Variants in CNOT2 observed in about 807,000 individuals in gnomAD.
The protein encoded by CNOT2 is CCR4-NOT transcription complex subunit 2, also known as CC chemokine receptor 4-negative regulator of transcription 2.
CNOT2 carries 7 observed loss-of-function variants against 72.1 expected under a neutral mutation model. The ratio of observed to expected loss-of-function variants is 0.10; its 90% CI spans 0.06 to 0.18. The LOEUF is 0.18. Among genes scored for constraint, CNOT2 ranks in the 10% least tolerant of loss-of-function variants. The pLI is 1.00. For synonymous variants in CNOT2, 196 were observed against 225.6 expected (o/e 0.87, Z 1.17); for missense variants, 345 against 660.3 (o/e 0.52, Z 5.23).
chr12:70,295,150 T>C (rs1227634193), intron 2 of CNOT2, among the ~76,000 whole-genome samples: 3 of 152,192 alleles, frequency 2.0e-5, no homozygotes, highest in Non-Finnish European at 2.9e-5. Context: ...TCCCATATAA[T>C]TCATGTTCAT....
intron 7 of CNOT2, among the ~76,000 whole-genome samples, chr12:70,333,793 A>G (rs1346945564): frequency 6.6e-6 from 1 of 152,012 alleles, no homozygotes; most frequent in Non-Finnish European, 1.5e-5. Flanking sequence ...CTTGTGTTCA[A>G]GATGTAGTAT....
In CNOT2 at chr12:70,354,148, G is replaced by A; in HGVS notation, c.*233G>A. ...TTTTTCTCTAGTTTGAGCAGGGTCT[G>A]AATTTTTTCATTTATTTCCTTTTTT... On this transcript the variant is annotated 3_prime_UTR_variant, in exon 16 of 16. Coordinates refer to ENST00000229195, the MANE Select transcript of CNOT2 (RefSeq NM_014515.7). The A allele has an allele frequency of 1.4e-6, 1 of 733,324 alleles. No individual in the cohort carries two copies. Among genetic ancestry groups the A allele is most frequent in the Non-Finnish European group, 1.9e-6 (1 of 525,708 alleles). The allele number at this position is 733,324 out of a possible 1,614,324, so 45.4% of individuals were successfully genotyped here.
intron 15 of CNOT2, among the ~76,000 whole-genome samples, chr12:70,347,014 A>ATAT (rs376300615): frequency 3.9e-4 from 60 of 152,078 alleles, no homozygotes; most frequent in East Asian, 1.2e-3. Context: ...TGGAGAGAAT[A>ATAT]TATTCTCTCC....
At chr12:70,255,904 G>T (rs764293975) in intron 1 of CNOT2, among the ~76,000 whole-genome samples, 20 of 152,014 alleles carry the variant, frequency 1.3e-4, no homozygotes, top group Non-Finnish European at 1.9e-4. Flanking sequence ...ACAGATTCTG[G>T]TCAAGATATG....
chr12:70,249,520 TTCTC>T (rs1408240009), intron 1 of CNOT2, among the ~76,000 whole-genome samples: 4 of 152,000 alleles, frequency 2.6e-5, no homozygotes, highest in African/African-American at 9.7e-5. Context: ...TCTAATTTCT[TTCTC>T]ATTTATTTTA....
chr12:70,253,896 A>G (rs533463550), intron 1 of CNOT2, among the ~76,000 whole-genome samples: 1 of 152,286 alleles, frequency 6.6e-6, no homozygotes, highest in Admixed American at 6.5e-5. Flanking sequence ...TACCTATGAT[A>G]AAGTTTAACT....
At chr12:70,278,734 C>A (rs1405709382) in intron 2 of CNOT2, among the ~76,000 whole-genome samples, 1 of 152,044 alleles carries the variant, frequency 6.6e-6, no homozygotes, top group Admixed American at 6.5e-5. Context: ...TGCTTAGAGA[C>A]CCAAATTCTA....
At chr12:70,313,819 C>T (rs12300009) in intron 3 of CNOT2, among the ~76,000 whole-genome samples, 2,051 of 152,098 alleles carry the variant, frequency 0.013, 46 homozygotes, top group African/African-American at 0.046. Context: ...ATTTGCCCAC[C>T]CCTGGGTTAG....
At chr12:70,301,586 T>C (rs908957671) in intron 2 of CNOT2, 2 of 152,114 alleles carry the variant, frequency 1.3e-5, no homozygotes, top group African/African-American at 4.8e-5. Context: ...TTGATCATGG[T>C]GGATAAGCTT....
rs893128268 is a variant in CNOT2, at chr12:70,295,054, A to T, written c.49-15841A>T. Among the ~76,000 whole-genome samples the T allele has an allele frequency of 2.0e-5, 3 of 152,140 alleles. No homozygotes were observed. In the East Asian group the frequency reaches 5.8e-4, roughly 29 times the overall value. The stretch of plus-strand genomic sequence containing the variant: ...ACATCACAGATTTAATTTTGTAGGG[A>T]TGTAGCTCTGGGTCTTCACTACCTT... On this transcript the variant is annotated intron_variant, in intron 2 of 15. Coordinates refer to ENST00000229195, the MANE Select transcript of CNOT2 (RefSeq NM_014515.7).
In CNOT2 at chr12:70,296,757, GCC is replaced by G. The variant is rs141226711; in HGVS notation, c.49-14129_49-14128del. ...AGGTGCCTTTCTGTCCTTTATTTAA[GCC>G]CCCCCCCCTTTTTAAATTGTTTTTC... is the stretch of plus-strand genomic sequence containing the variant. On this transcript the variant is annotated intron_variant, in intron 2 of 15. Coordinates refer to ENST00000229195, the MANE Select transcript of CNOT2 (RefSeq NM_014515.7). 2.0e-3 allele frequency among the ~76,000 whole-genome samples: 276 copies of G among 138,490 alleles called. 1 individual carries two copies. Among genetic ancestry groups the G allele is most frequent in the African/African-American group, 6.8e-3 (256 of 37,760 alleles). 90.9% of individuals were successfully genotyped at this position (138,490 alleles called of 152,430 possible).
intron 1 of CNOT2, among the ~76,000 whole-genome samples, chr12:70,269,187 G>A (rs1053974721): frequency 1.3e-5 from 2 of 151,706 alleles, no homozygotes; most frequent in Non-Finnish European, 2.9e-5. Flanking sequence ...CTAATTAGCT[G>A]TGTGTATGAG....
chr12:70,269,639 A>G (rs1359816488), intron 1 of CNOT2, among the ~76,000 whole-genome samples: 2 of 152,230 alleles, frequency 1.3e-5, no homozygotes, highest in East Asian at 3.8e-4. Context: ...CTAAAGTGAT[A>G]TGAAAATATC....
At chr12:70,289,849 A>G (rs906799769) in intron 2 of CNOT2, among the ~76,000 whole-genome samples, 4 of 150,774 alleles carry the variant, frequency 2.7e-5, no homozygotes, top group African/African-American at 7.3e-5. Flanking sequence ...CCTCCTCATT[A>G]TCTGTTCTCT....
intron 2 of CNOT2, among the ~76,000 whole-genome samples, chr12:70,291,935 T>C (rs1274322017): frequency 6.6e-6 from 1 of 152,034 alleles, no homozygotes; most frequent in African/African-American, 2.4e-5. Flanking sequence ...AGACTCCGTC[T>C]CAAAAAAACA....
chr12:70,349,713 A>G (rs1351315191), intron 15 of CNOT2, among the ~76,000 whole-genome samples: 1 of 152,190 alleles, frequency 6.6e-6, no homozygotes, highest in Admixed American at 6.6e-5. Context: ...TAAAATGTTG[A>G]CATTGGTTGG....
At chr12:70,341,367 A>G (rs929608384) in intron 11 of CNOT2, among the ~76,000 whole-genome samples, 1 of 152,166 alleles carries the variant, frequency 6.6e-6, no homozygotes, top group African/African-American at 2.4e-5. Context: ...TCAGACTAGA[A>G]GAGTCTTCTG....
Position 70,330,708 on chromosome 12 carries a change from C to T in CNOT2, c.569+239C>T, listed in dbSNP as rs750699015. On this transcript the variant is annotated intron_variant, in intron 6 of 15. Coordinates refer to ENST00000229195, the MANE Select transcript of CNOT2 (RefSeq NM_014515.7). ...TTGTGGTTGTTAGAAAAGGATTGTT[C>T]TTGGATTCGCCACCAGGCAAATTTT... The T allele has an allele frequency of 8.9e-5, 35 of 393,878 alleles. No homozygotes were observed. The Middle Eastern group carries it at 4.6e-3, about 51-fold the overall frequency. The allele number at this position is 393,878 out of a possible 1,614,324, so 24.4% of individuals were successfully genotyped here. A position where few individuals can be genotyped will look rare whatever the true frequency, so the allele number is the denominator to read the frequency against.
chr12:70,279,304 AGAGG>A (rs1869412827), intron 2 of CNOT2, among the ~76,000 whole-genome samples: 1 of 152,258 alleles, frequency 6.6e-6, no homozygotes, highest in African/African-American at 2.4e-5. Context: ...GGTATAACAA[AGAGG>A]CTTTGATTAT....
Sources: gnomAD v4.1 joint callset for allele counts (sites outside exome capture counted in the v4.1 genomes callset) on GRCh38, gnomAD v4.1.1 for gene constraint, MANE v1.5 for transcripts, NCBI Gene and HGNC (gene_info 2026-07-23, HGNC 2026-07-21) for gene names.